Variants in NANOG observed in about 807,000 individuals in gnomAD.
NANOG encodes Nanog homeobox, also known as homeobox protein NANOG.
In NANOG, 2 loss-of-function variants were observed where a neutral mutation model predicts 17.7. That is an observed-to-expected ratio of 0.11 (90% CI 0.05 to 0.36). The LOEUF (loss-of-function observed/expected upper bound fraction) is 0.36. Ranked by LOEUF, NANOG falls within the 10% of genes least tolerant of loss-of-function variation. The pLI is 1.00. For missense variants in NANOG, 174 were observed against 362.1 expected (o/e 0.48, Z 4.22); for synonymous variants, 81 against 124.7 (o/e 0.65, Z 2.33).
At chr12:7,791,113 CTTTT>C (rs57074245) in intron 1 of NANOG, among the ~76,000 whole-genome samples, 2 of 140,444 alleles carry the variant, frequency 1.4e-5, no homozygotes, top group East Asian at 2.1e-4. Context: ...TTCTTTCTTT[CTTTT>C]TTTTTTTTTG....
Position 7,795,425 on chromosome 12 carries a change from C to G in NANOG, c.*330C>G, listed in dbSNP as rs1256372361. 2.1e-5 allele frequency: 7 copies of G among 329,484 alleles called. No homozygotes were observed. In the Admixed American group the frequency reaches 2.9e-4, roughly 14 times the overall value. The allele number at this position is 329,484 out of a possible 1,614,324, so 20.4% of individuals were successfully genotyped here. ...CAAGCTCCGTCTCCCGGGTTCACGC[C>G]ATTCTCCTGCCTCAGCCTCCCGAGC... On this transcript the variant is annotated 3_prime_UTR_variant, in exon 4 of 4. Transcript: ENST00000229307.
Position 7,794,677 on chromosome 12 carries a change from A to G in NANOG, c.502-2A>G. 1 of 1,610,584 alleles carries G rather than the reference A, an allele frequency of 6.2e-7. No individual in the cohort carries two copies. Among genetic ancestry groups the G allele is most frequent in the Non-Finnish European group, 8.5e-7 (1 of 1,177,834 alleles). On this transcript the variant is annotated splice_acceptor_variant, in intron 3 of 3. Coordinates refer to ENST00000229307, the MANE Select transcript of NANOG (RefSeq NM_024865.4). LOFTEE classifies it high-confidence loss of function. ...TTCTGTTAATCCCTCCTTCTCTTTC[A>G]GAAGGCCTCAGCACCTACCTACCCC...
intron 1 of NANOG, among the ~76,000 whole-genome samples, chr12:7,790,285 T>C (rs753410316): frequency 3.9e-5 from 6 of 152,224 alleles, no homozygotes; most frequent in Non-Finnish European, 7.3e-5. Flanking sequence ...CTGTCTCTTC[T>C]CCATTCTCTG....
intron 1 of NANOG, among the ~76,000 whole-genome samples, chr12:7,791,088 T>C (rs993358956): frequency 2.0e-5 from 3 of 148,122 alleles, no homozygotes; most frequent in Non-Finnish European, 4.4e-5. Flanking sequence ...GTTCTTGCCT[T>C]TATAATTTCT....
Position 7,793,059 on chromosome 12 carries a change from G to T in NANOG, c.261G>T (p.Lys87Asn). The change falls in exon 2 of 4, where the codon AAG becomes AAT. Residue 87 changes from lysine (K) to asparagine (N), a missense_variant. Coordinates refer to ENST00000229307, the MANE Select transcript of NANOG (RefSeq NM_024865.4). ...CTGCAGAGAAGAGTGTCGCAAAAAA[G>T]GAAGACAAGGTCCCGGTCAAGAAAC... Reference protein sequence around the residue: ...PTSAEKSVAKKEDKVPVKKQK... With the variant: ...PTSAEKSVAKNEDKVPVKKQK... 6.2e-7 allele frequency: 1 copy of T among 1,609,760 alleles called. No homozygotes were observed. The highest frequency in any genetic ancestry group is 8.5e-7 in the Non-Finnish European group (1 of 1,176,288).
chr12:7,798,368 C>G lies in NANOG; in HGVS notation c.*3273C>G, dbSNP rs1014317813. 6.6e-6 allele frequency: 1 copy of G among 152,148 alleles called. No individual in the cohort carries two copies. Among genetic ancestry groups the G allele is most frequent in the Non-Finnish European group, 1.5e-5 (1 of 68,036 alleles). 9.4% of individuals were successfully genotyped at this position (152,148 alleles called of 1,614,324 possible). Reference sequence around the variant, plus strand: ...CCTGGGCGACAGAGCGTCACTGTCTCAAAAATAAACAAAAATAATAGGAGA... The same window carrying G: ...CCTGGGCGACAGAGCGTCACTGTCTGAAAAATAAACAAAAATAATAGGAGA... On this transcript the variant is annotated 3_prime_UTR_variant, in exon 4 of 4. Transcript: ENST00000229307.
At chr12:7,792,870 T>C (rs1862860858) in intron 1 of NANOG, 80 bp from the exon 2 acceptor site, 1 of 1,429,932 alleles carries the variant, frequency 7.0e-7, no homozygotes, top group Non-Finnish European at 9.5e-7. Context: ...ATCAAAGTAC[T>C]TTGAAAACAA....
rs867376887 is a variant in NANOG at position 7,793,302 on chromosome 12, A to G, written c.414+90A>G. 4 of 1,259,638 alleles carry G rather than the reference A, an allele frequency of 3.2e-6. No homozygotes were observed. The Middle Eastern group carries it at 5.7e-4, about 178-fold the overall frequency. The allele number at this position is 1,259,638 out of a possible 1,614,324, so 78.0% of individuals were successfully genotyped here. A position where few individuals can be genotyped will look rare whatever the true frequency, so the allele number is the denominator to read the frequency against. On this transcript the variant is annotated intron_variant, in intron 2 of 3. Transcript: ENST00000229307. ...TCTGTGGATGCATGTAGATGTGTGTACTATGTGTCCGTACATCGCCTCTTG... is the reference window on the plus strand; with the variant it reads ...TCTGTGGATGCATGTAGATGTGTGTGCTATGTGTCCGTACATCGCCTCTTG...
chr12:7,792,491 C>G (rs1862854623), intron 1 of NANOG, among the ~76,000 whole-genome samples: 1 of 152,012 alleles, frequency 6.6e-6, no homozygotes, highest in African/African-American at 2.4e-5. Flanking sequence ...ATTGAGAAAC[C>G]CTGTCTCTAC....
At position 7,798,554 on chromosome 12, in the gene NANOG, C is replaced by T. The variant is rs1460101880; in HGVS notation, c.*3459C>T. 6.6e-6 allele frequency: 1 copy of T among 152,128 alleles called. No individual in the cohort carries two copies. Among genetic ancestry groups the T allele is most frequent in the African/African-American group, 2.4e-5 (1 of 41,426 alleles). The allele number at this position is 152,128 out of a possible 1,614,324, so 9.4% of individuals were successfully genotyped here. On this transcript the variant is annotated 3_prime_UTR_variant, in exon 4 of 4. Coordinates refer to ENST00000229307, the MANE Select transcript of NANOG (RefSeq NM_024865.4). ...TTTAAAATTCATTATTTTGATTTCT[C>T]AGCTTTCATTTTCATTTCAGTTTGT...
In NANOG at chr12:7,795,751, T is replaced by A. The variant is rs1592119019; in HGVS notation, c.*656T>A. 6.9e-6 allele frequency: 1 copy of A among 145,170 alleles called. No individual in the cohort carries two copies. Among genetic ancestry groups the A allele is most frequent in the East Asian group, 2.0e-4 (1 of 5,126 alleles). The allele number at this position is 145,170 out of a possible 1,614,324, so 9.0% of individuals were successfully genotyped here. ...AAGAAATACAAGTACAAATTGGTGA[T>A]GAAGATGTATTCGTATTGTTTGGGA... On this transcript the variant is annotated 3_prime_UTR_variant, in exon 4 of 4. Coordinates refer to ENST00000229307, the MANE Select transcript of NANOG (RefSeq NM_024865.4).
chr12:7,796,955 T>TTTCA lies in NANOG; in HGVS notation c.*1861_*1864dup, dbSNP rs1160027547. The TTTCA allele has an allele frequency of 6.6e-6, 1 of 151,866 alleles. No individual in the cohort carries two copies. Among genetic ancestry groups the TTTCA allele is most frequent in the East Asian group, 1.9e-4 (1 of 5,150 alleles). The allele number at this position is 151,866 out of a possible 1,614,324, so 9.4% of individuals were successfully genotyped here. A position where few individuals can be genotyped will look rare whatever the true frequency, so the allele number is the denominator to read the frequency against. On this transcript the variant is annotated 3_prime_UTR_variant, in exon 4 of 4. Coordinates refer to ENST00000229307, the MANE Select transcript of NANOG (RefSeq NM_024865.4). Reference sequence around the variant, plus strand: ...AATTGTATTTTTAGTAGAGACAGGGTTTCACTATGTTGGCCAGGCTGGTCT... The same window carrying TTTCA: ...AATTGTATTTTTAGTAGAGACAGGGTTTCATTCACTATGTTGGCCAGGCTGGTCT...
intron 1 of NANOG, among the ~76,000 whole-genome samples, chr12:7,791,253 A>ATG (rs924786372): frequency 1.3e-5 from 2 of 151,220 alleles, no homozygotes; most frequent in African/African-American, 4.9e-5. Context: ...GGTATTACAG[A>ATG]TGTATGCCAC....
At chr12:7,790,787 A>G (rs745993596) in intron 1 of NANOG, among the ~76,000 whole-genome samples, 27 of 152,280 alleles carry the variant, frequency 1.8e-4, no homozygotes, top group African/African-American at 6.5e-4. Context: ...ACTTTGTCAC[A>G]TAGGCTGGAG....
In NANOG at chr12:7,797,004, C is replaced by T. The variant is rs1452163200; in HGVS notation, c.*1909C>T. On this transcript the variant is annotated 3_prime_UTR_variant, in exon 4 of 4. Transcript: ENST00000229307. ...CTTGAACTCCTGACCTCATGATCCA[C>T]CAGCCTTGGCCTCCCAAAGTGTTGG... is the stretch of plus-strand genomic sequence containing the variant. 6.6e-6 allele frequency: 1 copy of T among 152,090 alleles called. No individual in the cohort carries two copies. Among genetic ancestry groups the T allele is most frequent in the Admixed American group, 6.6e-5 (1 of 15,250 alleles). The allele number at this position is 152,090 out of a possible 1,614,324, so 9.4% of individuals were successfully genotyped here.
In NANOG at chr12:7,797,543, G is replaced by C. The variant is rs1862948162; in HGVS notation, c.*2448G>C. On this transcript the variant is annotated 3_prime_UTR_variant, in exon 4 of 4. Transcript: ENST00000229307. Reference sequence around the variant, plus strand: ...CAGCTAATTCTTTGTATTTAGTAGAGATGGGGTTTCACCGTATTGACCAGG... The same window carrying C: ...CAGCTAATTCTTTGTATTTAGTAGACATGGGGTTTCACCGTATTGACCAGG... The C allele has an allele frequency of 6.6e-6, 1 of 151,960 alleles. No homozygotes were observed. Among genetic ancestry groups the C allele is most frequent in the Non-Finnish European group, 1.5e-5 (1 of 68,046 alleles). The allele number at this position is 151,960 out of a possible 1,614,324, so 9.4% of individuals were successfully genotyped here.
chr12:7,794,418 T>G (rs752365532), intron 2 of NANOG, 39 bp from the exon 3 acceptor site: 1 of 1,541,232 alleles, frequency 6.5e-7, no homozygotes, highest in South Asian at 1.1e-5. Context: ...TACCTCTGTA[T>G]TATGAATATT....
At position 7,796,013 on chromosome 12, in the gene NANOG, C is replaced by T. The variant is rs1356936214; in HGVS notation, c.*918C>T. 1 of 151,628 alleles carries T rather than the reference C, an allele frequency of 6.6e-6. No homozygotes were observed. Among genetic ancestry groups the T allele is most frequent in the East Asian group, 1.9e-4 (1 of 5,172 alleles). 9.4% of individuals were successfully genotyped at this position (151,628 alleles called of 1,614,324 possible). A position where few individuals can be genotyped will look rare whatever the true frequency, so the allele number is the denominator to read the frequency against. ...CTATTTTTCCTTTAGTTGATTTTAC[C>T]CTGATTTCACCGAGTGTTTCAATGA... is the stretch of plus-strand genomic sequence containing the variant. On this transcript the variant is annotated 3_prime_UTR_variant, in exon 4 of 4. Coordinates refer to ENST00000229307, the MANE Select transcript of NANOG (RefSeq NM_024865.4).
chr12:7,793,883 A>G (rs1862878946), intron 2 of NANOG, among the ~76,000 whole-genome samples: 1 of 151,648 alleles, frequency 6.6e-6, no homozygotes, highest in South Asian at 2.1e-4. Flanking sequence ...CTGGGATTAC[A>G]GGCGCCCGCC....
Sources: allele counts gnomAD v4.1 joint callset (sites outside exome capture counted in the v4.1 genomes callset), GRCh38; gene constraint gnomAD v4.1.1; transcripts MANE v1.5; gene names NCBI Gene and HGNC (gene_info 2026-07-23, HGNC 2026-07-21).